The following CCDC82 variants were observed in gnomAD, a reference collection of about 807,000 sequenced individuals.
The protein encoded by CCDC82 is coiled-coil domain-containing protein 82.
In CCDC82, 47 loss-of-function variants were observed where a neutral mutation model predicts 60.6. That is an observed-to-expected ratio of 0.77 (90% CI 0.61 to 0.99). CCDC82 has a LOEUF of 0.99. Ranked by LOEUF, CCDC82 falls within the 50% of genes least tolerant of loss-of-function variation. The pLI, the probability that CCDC82 is intolerant of heterozygous loss-of-function variation, is 0.00. For missense variants in CCDC82, 588 were observed against 633.0 expected, an observed-to-expected ratio of 0.93 and a Z score of 0.76; for synonymous variants, 212 against 207.4, an observed-to-expected ratio of 1.02 and a Z score of -0.19.
rs1420237475 is a variant in CCDC82 at position 96,384,406 on chromosome 11, GTTCGT to G, written c.337_341del (p.Thr113GlnfsTer5). 1 of 1,613,616 alleles carries G rather than the reference GTTCGT, an allele frequency of 6.2e-7. No homozygotes were observed. Among genetic ancestry groups the G allele is most frequent in the Non-Finnish European group, 8.5e-7 (1 of 1,179,808 alleles). On this transcript the variant is annotated frameshift_variant, in exon 4 of 10. Coordinates refer to ENST00000646818, the MANE Select transcript of CCDC82 (RefSeq NM_024725.4). LOFTEE classifies it high-confidence loss of function. ...AGTCAATATTCCTATGTTTGATTTT[GTTCGT>G]TTCTTCTTCATATGTTGAACCGTTG...
At chr11:96,372,641 A>T (rs1342283829) in intron 6 of CCDC82, among the ~76,000 whole-genome samples, 1 of 145,130 alleles carries the variant, frequency 6.9e-6, no homozygotes, top group Non-Finnish European at 1.5e-5. Context: ...TATAAATATA[A>T]ATATATATAT....
intron 5 of CCDC82, among the ~76,000 whole-genome samples, chr11:96,376,826 T>C (rs897279511): frequency 1.1e-4 from 16 of 152,198 alleles, no homozygotes; most frequent in Admixed American, 5.2e-4. Context: ...ATTGCTAGTA[T>C]ACAAGAGAAC....
Position 96,358,978 on chromosome 11 carries a change from A to T in CCDC82, c.1566+15T>A. Reference sequence around the variant, plus strand: ...TCAGAATCTACATGATAAGATTCTCATATATTCACCTTACCTCCTTAATCC... The same window carrying T: ...TCAGAATCTACATGATAAGATTCTCTTATATTCACCTTACCTCCTTAATCC... On this transcript the variant is annotated intron_variant, in intron 9 of 9. Coordinates refer to ENST00000646818, the MANE Select transcript of CCDC82 (RefSeq NM_024725.4). 1 of 1,588,202 alleles carries T rather than the reference A, an allele frequency of 6.3e-7. No individual in the cohort carries two copies. The highest frequency in any genetic ancestry group is 1.2e-5 in the South Asian group (1 of 85,780).
intron 7 of CCDC82, among the ~76,000 whole-genome samples, chr11:96,367,566 T>G (rs1052408453): frequency 2.0e-5 from 3 of 152,216 alleles, no homozygotes; most frequent in Non-Finnish European, 4.4e-5. Flanking sequence ...CTAGTTCTCT[T>G]GCTATTTCAA....
chr11:96,361,404 C>T (rs1864654399), intron 8 of CCDC82, among the ~76,000 whole-genome samples: 1 of 152,120 alleles, frequency 6.6e-6, no homozygotes, highest in African/African-American at 2.4e-5. Context: ...TTATGGTTTA[C>T]TTCTTTCCAT....
intron 6 of CCDC82, among the ~76,000 whole-genome samples, chr11:96,372,430 C>T (rs2136141484): frequency 6.6e-6 from 1 of 151,634 alleles, no homozygotes; most frequent in East Asian, 1.9e-4. Flanking sequence ...AACATGAGTG[C>T]AGGAATCTAA....
chr11:96,365,631 C>T (rs1385081064), intron 7 of CCDC82, among the ~76,000 whole-genome samples: 1 of 152,178 alleles, frequency 6.6e-6, no homozygotes, highest in Admixed American at 6.5e-5. Flanking sequence ...TAACTTACTA[C>T]AGTCCTGGGG....
chr11:96,375,206 A>G lies in CCDC82; in HGVS notation c.992-1739T>C, dbSNP rs558381619. On this transcript the variant is annotated intron_variant, in intron 5 of 9. Coordinates refer to ENST00000646818, the MANE Select transcript of CCDC82 (RefSeq NM_024725.4). ...GCACCTAAGTTTAACTATCATACAA[A>G]TTGCATAGAATATTTCATCCTACTG... Among the ~76,000 whole-genome samples the G allele has an allele frequency of 1.6e-4, 25 of 152,294 alleles. No individual in the cohort carries two copies. In the South Asian group the frequency reaches 4.8e-3, roughly 29 times the overall value.
In CCDC82 at chr11:96,352,821, A is replaced by G. The variant is rs181163224; in HGVS notation, c.*825T>C. On this transcript the variant is annotated 3_prime_UTR_variant, in exon 10 of 10. Transcript: ENST00000646818. ...TATTACTTTATGGGAAAATTTAGAT[A>G]TGCAAAGCAATGCAGATACCAAAAT... is the stretch of plus-strand genomic sequence containing the variant. The G allele has an allele frequency of 1.3e-5, 2 of 152,376 alleles. No individual in the cohort carries two copies. Among genetic ancestry groups the G allele is most frequent in the East Asian group, 3.9e-4 (2 of 5,192 alleles). The allele number at this position is 152,376 out of a possible 1,614,324, so 9.4% of individuals were successfully genotyped here.
In CCDC82 at chr11:96,384,469, T is replaced by C; in HGVS notation, c.279A>G (p.Glu93=). The C allele has an allele frequency of 6.2e-7, 1 of 1,613,864 alleles. No individual in the cohort carries two copies. Among genetic ancestry groups the C allele is most frequent in the South Asian group, 1.1e-5 (1 of 91,078 alleles). Residue 93 remains glutamate (E), a synonymous_variant, in exon 4 of 10, where the codon GAA becomes GAG. Transcript: ENST00000646818. ...TAATGAGACACTTACTGTCATTTCCTTCACTTTGAATTTTACTTAAGTTGA... is the reference window on the plus strand; with the variant it reads ...TAATGAGACACTTACTGTCATTTCCCTCACTTTGAATTTTACTTAAGTTGA... ...RELNLSKIQS[E]GNDSKCLINS... is the part of the protein sequence containing the mutation.
chr11:96,357,559 A>G (rs1465617832), intron 9 of CCDC82: 2 of 985,220 alleles, frequency 2.0e-6, no homozygotes, highest in Non-Finnish European at 2.4e-6. Flanking sequence ...TCTAGGATAC[A>G]TGATTTGGAA....
intron 7 of CCDC82, among the ~76,000 whole-genome samples, chr11:96,365,699 T>C (rs1023630997): frequency 1.3e-5 from 2 of 152,234 alleles, no homozygotes; most frequent in Non-Finnish European, 1.5e-5. Context: ...GACAGTTTAA[T>C]AGCTCAGTTA....
intron 5 of CCDC82, among the ~76,000 whole-genome samples, chr11:96,378,943 G>A (rs1865727658): frequency 6.6e-6 from 1 of 152,082 alleles, no homozygotes; most frequent in Admixed American, 6.5e-5. Flanking sequence ...TGGCAGATAG[G>A]AAATTACAAA....
At chr11:96,370,072 A>C (rs1482616590) in intron 7 of CCDC82, among the ~76,000 whole-genome samples, 3 of 152,228 alleles carry the variant, frequency 2.0e-5, no homozygotes, top group African/African-American at 7.2e-5. Context: ...TCCAACTTGA[A>C]GTCTTTTAAA....
intron 5 of CCDC82, among the ~76,000 whole-genome samples, chr11:96,374,429 T>C (rs925448319): frequency 2.6e-5 from 4 of 152,158 alleles, no homozygotes; most frequent in African/African-American, 9.7e-5. Flanking sequence ...CTTTCAGACT[T>C]TAGGGTACAT....
chr11:96,357,863 G>A (rs1349432994), intron 9 of CCDC82: 2 of 985,358 alleles, frequency 2.0e-6, no homozygotes, highest in Non-Finnish European at 2.4e-6. Flanking sequence ...ATTTGGAGTA[G>A]GAGAAGTAGA....
At position 96,384,632 on chromosome 11, in the gene CCDC82, T is replaced by C. The variant is rs755887698; in HGVS notation, c.116A>G (p.Asp39Gly). ...TKRSSISQLLDSDEELDSEEF... is the reference protein window; with the variant it reads ...TKRSSISQLLGSDEELDSEEF... The stretch of plus-strand genomic sequence containing the variant: ...TTCACTATCAAGCTCTTCATCACTA[T>C]CAAGTAATTGTGAGATACTACTTCT... The change falls in exon 4 of 10, where the codon GAT (aspartate) becomes GGT (glycine). Residue 39 changes from aspartate to glycine, a missense_variant. Coordinates refer to ENST00000646818, the MANE Select transcript of CCDC82 (RefSeq NM_024725.4). 6.2e-7 allele frequency: 1 copy of C among 1,613,678 alleles called. No homozygotes were observed. Among genetic ancestry groups the C allele is most frequent in the Non-Finnish European group, 8.5e-7 (1 of 1,179,714 alleles).
intron 7 of CCDC82, 36 bp from the exon 8 acceptor site, chr11:96,365,186 T>C: frequency 1.5e-6 from 2 of 1,328,904 alleles, no homozygotes; most frequent in Non-Finnish European, 1.0e-6. Flanking sequence ...GTTTAAAAGA[T>C]AAAGAATAAA....
At chr11:96,356,537 C>A (rs1864358598) in intron 9 of CCDC82, 1 of 985,070 alleles carries the variant, frequency 1.0e-6, no homozygotes, top group Non-Finnish European at 1.2e-6. Context: ...CAGGAAGTCC[C>A]ATCATCATAT....
Sources: gnomAD v4.1 joint callset for allele counts (sites outside exome capture counted in the v4.1 genomes callset) on GRCh38, gnomAD v4.1.1 for gene constraint, MANE v1.5 for transcripts, NCBI Gene and HGNC (gene_info 2026-07-23, HGNC 2026-07-21) for gene names.